SLIT3: variants seen among roughly 807,000 people sequenced by gnomAD.
SLIT3 encodes the protein slit homolog 3 protein.
A neutral mutation model predicts 184.0 loss-of-function variants in SLIT3; 68 were observed. The ratio of observed to expected loss-of-function variants is 0.37; its 90% confidence interval spans 0.30 to 0.45. The LOEUF (loss-of-function observed/expected upper bound fraction) is 0.45. Ranked by LOEUF, SLIT3 falls within the 20% of genes least tolerant of loss-of-function variation. SLIT3 has a pLI of 1.00. For synonymous variants in SLIT3, 831 were observed against 828.6 expected, an observed-to-expected ratio of 1.00 and a Z score of -0.05; for missense variants, 1,707 against 2,026.0, an observed-to-expected ratio of 0.84 and a Z score of 3.02.
At chr5:168,717,915 C>T (rs1024581185) in intron 23 of SLIT3, among the ~76,000 whole-genome samples, 1 of 152,150 alleles carries the variant, frequency 6.6e-6, no homozygotes, top group Non-Finnish European at 1.5e-5. Flanking sequence ...CCGCCTCGGC[C>T]TCCCAAAGTG....
chr5:168,869,418 A>G (rs1355346925), intron 5 of SLIT3, among the ~76,000 whole-genome samples: 1 of 152,178 alleles, frequency 6.6e-6, no homozygotes, highest in Non-Finnish European at 1.5e-5. Flanking sequence ...AGGTTGTCAC[A>G]AGGATTAAGG....
chr5:169,207,285 G>A (rs1048692561), intron 3 of SLIT3, among the ~76,000 whole-genome samples: 2 of 151,568 alleles, frequency 1.3e-5, no homozygotes, highest in East Asian at 1.9e-4. Flanking sequence ...CCCAATTCGT[G>A]GACTGAAGCA....
At chr5:168,679,134 C>T (rs954323846) in intron 32 of SLIT3, among the ~76,000 whole-genome samples, 1 of 152,218 alleles carries the variant, frequency 6.6e-6, no homozygotes, top group Non-Finnish European at 1.5e-5. Context: ...TCACAGCTCA[C>T]TGCAGCCTTG....
At chr5:168,911,088 C>T (rs1305403018) in intron 4 of SLIT3, among the ~76,000 whole-genome samples, 1 of 152,148 alleles carries the variant, frequency 6.6e-6, no homozygotes, top group African/African-American at 2.4e-5. Context: ...TTGACGAATG[C>T]CAGCCTCCTC....
In SLIT3 at chr5:168,666,709, C is replaced by T. The variant is rs745709466; in HGVS notation, c.4337-20G>A. ...GATTCTCTGCAGAGGGCATAGAAGTCAGGGCATTGGTGGTCTAGGTGGCCA... is the reference window on the plus strand; with the variant it reads ...GATTCTCTGCAGAGGGCATAGAAGTTAGGGCATTGGTGGTCTAGGTGGCCA... On this transcript the variant is annotated intron_variant, in intron 35 of 35. Transcript: ENST00000519560. 3.1e-6 allele frequency: 5 copies of T among 1,613,834 alleles called. No homozygotes were observed. Among genetic ancestry groups the T allele is most frequent in the African/African-American group, 2.7e-5 (2 of 74,916 alleles).
intron 14 of SLIT3, among the ~76,000 whole-genome samples, chr5:168,771,658 C>T (rs1335410245): frequency 6.6e-6 from 1 of 152,198 alleles, no homozygotes; most frequent in African/African-American, 2.4e-5. Flanking sequence ...CACAGTGCCA[C>T]AAAGTCTCTG....
At chr5:168,944,666 A>G (rs942051532) in intron 4 of SLIT3, among the ~76,000 whole-genome samples, 3 of 152,118 alleles carry the variant, frequency 2.0e-5, no homozygotes, top group African/African-American at 7.2e-5. Flanking sequence ...ATATGGAGTT[A>G]AGATGCCAAA....
At chr5:168,728,277 C>CATATATATATATATATAT (rs3061738) in intron 20 of SLIT3, among the ~76,000 whole-genome samples, 59 of 140,956 alleles carry the variant, frequency 4.2e-4, no homozygotes, top group Non-Finnish European at 7.5e-4. Context: ...TAATCAACAA[C>CATATATATATATATATAT]ATATATATAT....
At chr5:168,860,173 CAGA>C (rs149698798) in intron 5 of SLIT3, among the ~76,000 whole-genome samples, 7,934 of 152,132 alleles carry the variant, frequency 0.052, 419 homozygotes, top group African/African-American at 0.13. Flanking sequence ...TAATTTTCAA[CAGA>C]AGAAGAAAGT....
At chr5:168,828,297 T>G (rs1162512990) in intron 6 of SLIT3, among the ~76,000 whole-genome samples, 1 of 151,880 alleles carries the variant, frequency 6.6e-6, no homozygotes, top group Non-Finnish European at 1.5e-5. Flanking sequence ...GAATCCACCT[T>G]GGGTTGTGCA....
chr5:169,016,160 G>A (rs547016983), intron 4 of SLIT3, among the ~76,000 whole-genome samples: 2 of 152,202 alleles, frequency 1.3e-5, no homozygotes, highest in East Asian at 1.9e-4. Context: ...TTTTTCCCAC[G>A]TGCTTCTCAG....
chr5:169,264,150 ACT>A (rs1390894928), intron 1 of SLIT3, among the ~76,000 whole-genome samples: 1 of 151,460 alleles, frequency 6.6e-6, no homozygotes, highest in Non-Finnish European at 1.5e-5. Flanking sequence ...GCCATTCAAG[ACT>A]CTGGAATTTT....
chr5:168,955,075 G>A (rs1230974371), intron 4 of SLIT3, among the ~76,000 whole-genome samples: 1 of 115,446 alleles, frequency 8.7e-6, no homozygotes, highest in Non-Finnish European at 1.6e-5. Flanking sequence ...GGCACTCCTG[G>A]CCTTCCTGAT....
chr5:169,108,311 G>C (rs1716835927), intron 4 of SLIT3, among the ~76,000 whole-genome samples: 1 of 152,214 alleles, frequency 6.6e-6, no homozygotes, highest in Non-Finnish European at 1.5e-5. Flanking sequence ...TTGGATGCTG[G>C]AGTCACCACA....
chr5:169,153,174 G>A (rs1360925801), intron 4 of SLIT3, among the ~76,000 whole-genome samples: 2 of 152,184 alleles, frequency 1.3e-5, no homozygotes, highest in Non-Finnish European at 2.9e-5. Flanking sequence ...CTCAAATCAA[G>A]CTATGTCGCC....
rs1199618236 is a variant in SLIT3, at chr5:168,666,172, C to T, written c.*282G>A. 2 of 271,246 alleles carry T rather than the reference C, an allele frequency of 7.4e-6. No homozygotes were observed. The highest frequency in any genetic ancestry group is 4.4e-5 in the African/African-American group (2 of 45,726). 16.8% of individuals were successfully genotyped at this position (271,246 alleles called of 1,614,324 possible). A position where few individuals can be genotyped will look rare whatever the true frequency, so the allele number is the denominator to read the frequency against. On this transcript the variant is annotated 3_prime_UTR_variant, in exon 36 of 36. Transcript: ENST00000519560. Reference sequence around the variant, plus strand: ...TTTTAAACAGCTATTTTTAAAAACACAACAAATACACAACACAAAACTTGG... The same window carrying T: ...TTTTAAACAGCTATTTTTAAAAACATAACAAATACACAACACAAAACTTGG...
chr5:168,868,923 T>A (rs932219991), intron 5 of SLIT3, among the ~76,000 whole-genome samples: 1 of 152,072 alleles, frequency 6.6e-6, no homozygotes, highest in African/African-American at 2.4e-5. Flanking sequence ...ACCTATTCTA[T>A]TGGAGAATGG....
At chr5:168,997,135 C>T (rs764125403) in intron 4 of SLIT3, among the ~76,000 whole-genome samples, 13 of 152,114 alleles carry the variant, frequency 8.5e-5, no homozygotes, top group Admixed American at 2.0e-4. Context: ...TGTGACGCAT[C>T]GCGTGCCCCT....
At chr5:169,024,339 A>C (rs1308473387) in intron 4 of SLIT3, 1 of 152,156 alleles carries the variant, frequency 6.6e-6, no homozygotes, top group Non-Finnish European at 1.5e-5. Flanking sequence ...CTGAAGTTTG[A>C]ATCTTCATCC....
Sources: gnomAD v4.1 joint callset for allele counts (sites outside exome capture counted in the v4.1 genomes callset) on GRCh38, gnomAD v4.1.1 for gene constraint, MANE v1.5 for transcripts, NCBI Gene and HGNC (gene_info 2026-07-23, HGNC 2026-07-21) for gene names.